MCOLN3: variants seen among roughly 807,000 people sequenced by gnomAD.
The protein encoded by MCOLN3 is mucolipin TRP cation channel 3, also known as mucolipin-3.
In MCOLN3, 62 loss-of-function variants were observed where a neutral mutation model predicts 69.4. The observed-to-expected ratio is 0.89, with a 90% CI of 0.73 to 1.10. The LOEUF is 1.10. Among genes scored for constraint, MCOLN3 ranks in the 50% least tolerant of loss-of-function variants. MCOLN3 has a pLI of 0.00. For missense variants in MCOLN3, 564 were observed against 656.4 expected, an observed-to-expected ratio of 0.86 and a Z score of 1.54; for synonymous variants, 183 against 217.0, an observed-to-expected ratio of 0.84 and a Z score of 1.38.
Position 85,025,972 on chromosome 1 carries a change from A to G in MCOLN3, c.1062T>C (p.Ile354=). ...GGATTTCCATTTTTAGAATTGATCC[A>G]ATGATTGTCAATATGTCACTAATAA... ...MIIISDILTI[I]GSILKMEIQA... Residue 354 remains isoleucine (I), a synonymous_variant, in exon 9 of 13, where the codon ATT becomes ATC. Coordinates refer to ENST00000370589, the MANE Select transcript of MCOLN3 (RefSeq NM_018298.11). 1 of 1,599,038 alleles carries G rather than the reference A, an allele frequency of 6.3e-7. No individual in the cohort carries two copies. The highest frequency in any genetic ancestry group is 8.5e-7 in the Non-Finnish European group (1 of 1,172,446).
intron 2 of MCOLN3, among the ~76,000 whole-genome samples, chr1:85,043,936 C>T (rs11801415): frequency 0.027 from 4,074 of 151,416 alleles, 133 homozygotes; most frequent in African/African-American, 0.079. Flanking sequence ...GTATGTTTTA[C>T]AGAAACAGGT....
intron 7 of MCOLN3, among the ~76,000 whole-genome samples, chr1:85,026,632 C>G (rs1652235378): frequency 6.6e-6 from 1 of 150,900 alleles, no homozygotes; most frequent in African/African-American, 2.4e-5. Flanking sequence ...TGGTGAGCGC[C>G]TGTAGTCCCA....
At chr1:85,040,252 G>A (rs571580387) in intron 3 of MCOLN3, among the ~76,000 whole-genome samples, 2 of 152,218 alleles carry the variant, frequency 1.3e-5, no homozygotes, top group African/African-American at 4.8e-5. Flanking sequence ...TATCCTAGCA[G>A]TTTACATCTT....
In MCOLN3 at chr1:85,019,025, C is replaced by A; in HGVS notation, c.*98G>T. ...ATAGGTCTCAATTAGCTCAAAATAA[C>A]AGTCTTCAAACATACTACATCTGAT... On this transcript the variant is annotated 3_prime_UTR_variant, in exon 13 of 13. Coordinates refer to ENST00000370589, the MANE Select transcript of MCOLN3 (RefSeq NM_018298.11). The A allele has an allele frequency of 8.5e-7, 1 of 1,175,750 alleles. No individual in the cohort carries two copies. The highest frequency in any genetic ancestry group is 1.2e-6 in the Non-Finnish European group (1 of 843,444). 72.8% of individuals were successfully genotyped at this position (1,175,750 alleles called of 1,614,324 possible). A position where few individuals can be genotyped will look rare whatever the true frequency, so the allele number is the denominator to read the frequency against.
At chr1:85,048,344 G>A (rs1179658087) in intron 1 of MCOLN3, 52 bp downstream of exon 1, 1 of 151,828 alleles carries the variant, frequency 6.6e-6, no homozygotes, top group Non-Finnish European at 1.5e-5. Context: ...GTGCGCCGCG[G>A]GCGCCGTTCC....
Position 85,045,223 on chromosome 1 carries a change from GAA to G in MCOLN3, c.136_137del (p.Phe46HisfsTer5). 6.2e-7 allele frequency: 1 copy of G among 1,613,868 alleles called. No homozygotes were observed. The highest frequency in any genetic ancestry group is 8.5e-7 in the Non-Finnish European group (1 of 1,179,948). Reference sequence around the variant, plus strand: ...CCCAGAACTTCTCACAGGGATTCATGAAAAAAAATTTGAGTTTTCGCCTCATC... The same window carrying G: ...CCCAGAACTTCTCACAGGGATTCATGAAAAAATTTGAGTTTTCGCCTCATC... The part of the protein sequence containing the change: ...DQMRRKLKFF[F>X]MNPCEKFWAR... On this transcript the variant is annotated frameshift_variant, in exon 2 of 13. Coordinates refer to ENST00000370589, the MANE Select transcript of MCOLN3 (RefSeq NM_018298.11). LOFTEE classifies it high-confidence loss of function.
rs1368149854 is a variant in MCOLN3, at chr1:85,045,294, T to C, written c.67A>G (p.Asn23Asp). Reference protein sequence around the residue: ...SHEEENRCNFNQQTSPSEELL... With the variant: ...SHEEENRCNFDQQTSPSEELL... ...TCCTCAGATGGAGATGTTTGCTGGT[T>C]AAAATTGCAGCGATTTTCCTCTTCA... The change falls in exon 2 of 13, where the codon AAC becomes GAC. Residue 23 changes from asparagine to aspartate, a missense_variant. By Grantham distance (23) the Asn-to-Asp change is conservative (BLOSUM62 1). Coordinates refer to ENST00000370589, the MANE Select transcript of MCOLN3 (RefSeq NM_018298.11). 6.2e-7 allele frequency: 1 copy of C among 1,614,138 alleles called. No individual in the cohort carries two copies. Among genetic ancestry groups the C allele is most frequent in the East Asian group, 2.2e-5 (1 of 44,872 alleles).
intron 1 of MCOLN3, chr1:85,047,446 G>A (rs1312221204): frequency 6.6e-6 from 1 of 152,328 alleles, no homozygotes; most frequent in African/African-American, 2.4e-5. Flanking sequence ...CGGAGCGCCG[G>A]CGCGGGAGGC....
intron 11 of MCOLN3, 110 bp from the exon 12 acceptor site, chr1:85,021,386 A>C: frequency 1.2e-6 from 1 of 831,866 alleles, no homozygotes; most frequent in South Asian, 1.8e-5. Flanking sequence ...CCAAGCTACC[A>C]TTTTCAAACA....
chr1:85,041,915 CTT>C (rs933281104), intron 2 of MCOLN3, among the ~76,000 whole-genome samples: 15 of 147,938 alleles, frequency 1.0e-4, no homozygotes, highest in African/African-American at 3.7e-4. Context: ...TTAAGTCTCT[CTT>C]TTGTCTTCTC....
chr1:85,046,239 G>A (rs562713808), intron 1 of MCOLN3, among the ~76,000 whole-genome samples: 3 of 151,436 alleles, frequency 2.0e-5, no homozygotes, highest in African/African-American at 4.9e-5. Context: ...CTGTGGCATC[G>A]CTTGTAATGA....
At chr1:85,045,499 T>A in intron 1 of MCOLN3, 137 bp from the exon 2 acceptor site, 1 of 634,000 alleles carries the variant, frequency 1.6e-6, no homozygotes, top group African/African-American at 1.8e-5. Context: ...TGCTCTAAAC[T>A]GCATTTTAGA....
intron 3 of MCOLN3, among the ~76,000 whole-genome samples, chr1:85,034,563 A>G (rs1404225194): frequency 6.6e-6 from 1 of 152,234 alleles, no homozygotes; most frequent in African/African-American, 2.4e-5. Context: ...TGTTTAATTC[A>G]GGTGATATTC....
At chr1:85,031,989 T>C (rs1021477879) in intron 6 of MCOLN3, among the ~76,000 whole-genome samples, 6 of 151,770 alleles carry the variant, frequency 4.0e-5, no homozygotes, top group Non-Finnish European at 8.8e-5. Flanking sequence ...GGCAGGAGAA[T>C]GGCGTGAACC....
intron 12 of MCOLN3, among the ~76,000 whole-genome samples, chr1:85,020,040 T>A (rs1408323119): frequency 6.6e-6 from 1 of 152,200 alleles, no homozygotes; most frequent in African/African-American, 2.4e-5. Flanking sequence ...ATGTTATCCT[T>A]AGAGCTCTCA....
intron 2 of MCOLN3, among the ~76,000 whole-genome samples, chr1:85,043,645 G>GA (rs1392541103): frequency 6.6e-6 from 1 of 151,966 alleles, no homozygotes; most frequent in Non-Finnish European, 1.5e-5. Context: ...ATGTTCAATT[G>GA]ATACAGGCTT....
intron 3 of MCOLN3, among the ~76,000 whole-genome samples, chr1:85,039,209 G>T (rs1351201441): frequency 6.6e-6 from 1 of 152,042 alleles, no homozygotes; most frequent in Non-Finnish European, 1.5e-5. Flanking sequence ...AAACAGTAGG[G>T]AATCAACAGT....
At chr1:85,037,191 T>C (rs767695849) in intron 3 of MCOLN3, among the ~76,000 whole-genome samples, 8 of 152,236 alleles carry the variant, frequency 5.3e-5, no homozygotes, top group Non-Finnish European at 7.3e-5. Flanking sequence ...GCAAGCTTCC[T>C]AAGCTAGTAA....
intron 2 of MCOLN3, among the ~76,000 whole-genome samples, chr1:85,042,501 G>A (rs1653121429): frequency 1.3e-5 from 2 of 152,158 alleles, no homozygotes; most frequent in Admixed American, 1.3e-4. Flanking sequence ...TGCATCTGTT[G>A]AAGCTGATGA....
Sources: gnomAD v4.1 joint callset for allele counts (sites outside exome capture counted in the v4.1 genomes callset) on GRCh38, gnomAD v4.1.1 for gene constraint, MANE v1.5 for transcripts, NCBI Gene and HGNC (gene_info 2026-07-23, HGNC 2026-07-21) for gene names.